FRAS1: variants seen among roughly 807,000 people sequenced by gnomAD.
FRAS1 encodes the protein Fraser extracellular matrix complex subunit 1.
A neutral mutation model predicts 435.2 loss-of-function variants in FRAS1; 290 were observed. The ratio of observed to expected loss-of-function variants is 0.67; its 90% CI spans 0.61 to 0.73. The LOEUF is 0.73. Among genes scored for constraint, FRAS1 ranks in the 30% least tolerant of loss-of-function variants. FRAS1 has a pLI of 0.00. For missense variants in FRAS1, 4,860 were observed against 5,001.5 expected (o/e 0.97, Z 0.85); for synonymous variants, 1,800 against 1,851.0 (o/e 0.97, Z 0.71).
intron 23 of FRAS1, among the ~76,000 whole-genome samples, chr4:78,370,941 G>A (rs933600866): frequency 6.6e-6 from 1 of 152,072 alleles, no homozygotes; most frequent in African/African-American, 2.4e-5. Context: ...GCTAGAGCTT[G>A]GATATGGTGG....
intron 23 of FRAS1, 133 bp from the exon 24 acceptor site, chr4:78,372,585 G>A (rs1731557497): frequency 1.9e-6 from 2 of 1,053,532 alleles, no homozygotes; most frequent in Non-Finnish European, 2.8e-6. Context: ...CCTCATTTGA[G>A]CCTACTTATC....
rs976284392 is a variant in FRAS1, at chr4:78,526,645, A to G, written c.10913A>G (p.His3638Arg). ...PGEKPLACTAHAPERFLIPIA... is the reference protein window; with the variant it reads ...PGEKPLACTARAPERFLIPIA... ...GAGAAGCCTTTGGCCTGCACTGCAC[A>G]TGCCCCAGAAAGGTAGGAAAATATA... The change falls in exon 70 of 74, where the codon CAT (histidine) becomes CGT (arginine). Residue 3638 changes from histidine (H) to arginine (R), a missense_variant. Physicochemically the swap from His to Arg is conservative, Grantham distance 29. Transcript: ENST00000512123. The G allele has an allele frequency of 2.5e-6, 4 of 1,571,252 alleles. No homozygotes were observed. Among genetic ancestry groups the G allele is most frequent in the African/African-American group, 2.7e-5 (2 of 73,326 alleles).
At chr4:78,442,810 A>G (rs1227967380) in intron 41 of FRAS1, among the ~76,000 whole-genome samples, 1 of 152,156 alleles carries the variant, frequency 6.6e-6, no homozygotes, top group East Asian at 1.9e-4. Context: ...CTGTTTTAGG[A>G]GGTTGGTGTG....
At position 78,191,516 on chromosome 4, in the gene FRAS1, A is replaced by T. The variant is rs185718909; in HGVS notation, c.109-45994A>T. Reference sequence around the variant, plus strand: ...CTGTTCGCACTACCAAATCCTCGGGATTTGTTTGTATTATTTTCTTTTTTT... The same window carrying T: ...CTGTTCGCACTACCAAATCCTCGGGTTTTGTTTGTATTATTTTCTTTTTTT... On this transcript the variant is annotated intron_variant, in intron 2 of 73. Transcript: ENST00000512123. 9.3e-4 allele frequency among the ~76,000 whole-genome samples: 131 copies of T among 140,330 alleles called. 1 individual carries two copies. In the East Asian group the frequency reaches 0.028, roughly 30 times the overall value. 92.1% of individuals were successfully genotyped at this position (140,330 alleles called of 152,430 possible).
intron 11 of FRAS1, 25 bp downstream of exon 11, chr4:78,281,458 C>A: frequency 3.4e-6 from 5 of 1,468,588 alleles, no homozygotes; most frequent in South Asian, 1.3e-5. Context: ...TTAACTTGCA[C>A]GTAGATCATT....
chr4:78,424,443 C>T, intron 35 of FRAS1, 23 bp downstream of exon 35: 1 of 1,328,222 alleles, frequency 7.5e-7, no homozygotes, highest in Non-Finnish European at 1.0e-6. Context: ...CTAAATTTTA[C>T]TAGAAAGTGA....
intron 23 of FRAS1, among the ~76,000 whole-genome samples, chr4:78,371,118 A>T (rs1269613584): frequency 7.3e-6 from 1 of 137,418 alleles, no homozygotes. Flanking sequence ...CCTTCTAACC[A>T]GTAGCTGTCA....
At position 78,255,544 on chromosome 4, in the gene FRAS1, A is replaced by G. The variant is rs550095360; in HGVS notation, c.603+169A>G. On this transcript the variant is annotated intron_variant, in intron 6 of 73. Transcript: ENST00000512123. The stretch of plus-strand genomic sequence containing the variant: ...CCTCTGAGACATTTCTTTTACCCTT[A>G]GAAACTACAGATAGGTCTAATTACC... Among the ~76,000 whole-genome samples, 31 of 152,310 alleles carry G rather than the reference A, an allele frequency of 2.0e-4. 1 individual carries two copies. In the South Asian group the frequency reaches 2.1e-3, roughly 10 times the overall value.
chr4:78,195,958 T>C (rs1347713568), intron 2 of FRAS1, among the ~76,000 whole-genome samples: 1 of 151,904 alleles, frequency 6.6e-6, no homozygotes, highest in African/African-American at 2.4e-5. Context: ...TTTTTTTTTT[T>C]TTTTACTTTT....
chr4:78,448,823 C>G (rs975241852), intron 44 of FRAS1, among the ~76,000 whole-genome samples: 1 of 152,160 alleles, frequency 6.6e-6, no homozygotes, highest in East Asian at 1.9e-4. Context: ...CACAATTTTG[C>G]TCATGTTTAA....
intron 70 of FRAS1, among the ~76,000 whole-genome samples, chr4:78,527,365 C>A (rs1214179061): frequency 6.6e-6 from 1 of 151,412 alleles, no homozygotes; most frequent in Non-Finnish European, 1.5e-5. Context: ...CAGCTCTTCT[C>A]ATGTGTTTTG....
intron 70 of FRAS1, among the ~76,000 whole-genome samples, chr4:78,528,658 A>T (rs1721616870): frequency 6.6e-6 from 1 of 152,186 alleles, no homozygotes; most frequent in South Asian, 2.1e-4. Context: ...TCAGTGATCA[A>T]CTGATGAACA....
In FRAS1 at chr4:78,432,502, G is replaced by A. The variant is rs935193179; in HGVS notation, c.5115G>A (p.Leu1705=). 6.2e-7 allele frequency: 1 copy of A among 1,613,154 alleles called. No homozygotes were observed. Among genetic ancestry groups the A allele is most frequent in the South Asian group, 1.1e-5 (1 of 90,852 alleles). ...TGGAGGTGAGAGTAGAGGTGTCCCT[G>A]TCAGAAGACCGAGGGCCTCGACTGG... ...TMLEVRVEVS[L]SEDRGPRLAA... Residue 1705 remains leucine, a synonymous_variant, in exon 38 of 74, where the codon CTG becomes CTA. Transcript: ENST00000512123.
At chr4:78,217,269 T>C (rs552040776) in intron 2 of FRAS1, among the ~76,000 whole-genome samples, 105 of 152,210 alleles carry the variant, frequency 6.9e-4, no homozygotes, top group Non-Finnish European at 1.2e-3. Flanking sequence ...ATTCAAATGC[T>C]AATTTCTTCT....
At chr4:78,226,947 A>G (rs953320587) in intron 2 of FRAS1, among the ~76,000 whole-genome samples, 1 of 152,184 alleles carries the variant, frequency 6.6e-6, no homozygotes, top group South Asian at 2.1e-4. Context: ...AGGTATAGCC[A>G]GTCTGCCGTT....
At chr4:78,059,649 C>A (rs1324415910) in intron 1 of FRAS1, among the ~76,000 whole-genome samples, 2 of 151,864 alleles carry the variant, frequency 1.3e-5, no homozygotes, top group African/African-American at 4.8e-5. Context: ...AGAGTCCTAT[C>A]CCAGCAACGC....
At chr4:78,310,202 C>T (rs1728961621) in intron 15 of FRAS1, among the ~76,000 whole-genome samples, 1 of 152,196 alleles carries the variant, frequency 6.6e-6, no homozygotes, top group South Asian at 2.1e-4. Context: ...CTTTCCTGCT[C>T]AGTTAAGCCA....
intron 47 of FRAS1, among the ~76,000 whole-genome samples, chr4:78,456,801 C>T (rs1719216031): frequency 6.6e-6 from 1 of 152,168 alleles, no homozygotes; most frequent in Non-Finnish European, 1.5e-5. Context: ...TCTAAAAGGC[C>T]AGTTGTGGAT....
chr4:78,461,435 A>G (rs1330735909), intron 47 of FRAS1, among the ~76,000 whole-genome samples: 1 of 152,236 alleles, frequency 6.6e-6, no homozygotes, highest in Non-Finnish European at 1.5e-5. Context: ...GGTACATCAC[A>G]TAACTTTTTA....
Sources: gnomAD v4.1 joint callset for allele counts (sites outside exome capture counted in the v4.1 genomes callset) on GRCh38, gnomAD v4.1.1 for gene constraint, MANE v1.5 for transcripts, NCBI Gene and HGNC (gene_info 2026-07-23, HGNC 2026-07-21) for gene names.